LRRC8A: variants seen among roughly 807,000 people sequenced by gnomAD.
LRRC8A encodes leucine rich repeat containing 8 VRAC subunit A.
In LRRC8A, 24 loss-of-function variants were observed where a neutral mutation model predicts 52.5. The observed-to-expected ratio is 0.46, with a 90% CI of 0.33 to 0.64. LRRC8A has a LOEUF of 0.64. Among genes scored for constraint, LRRC8A ranks in the 30% least tolerant of loss-of-function variants. LRRC8A has a pLI of 0.02. For synonymous variants in LRRC8A, 492 were observed against 494.2 expected (o/e 1.00, Z 0.06); for missense variants, 677 against 1,094.7 (o/e 0.62, Z 5.38).
chr9:128,916,208 C>T lies in LRRC8A; in HGVS notation c.2270C>T (p.Thr757Met), dbSNP rs557710052. Residue 757 changes from threonine to methionine, a missense_variant, in exon 4 of 4, where the codon ACG becomes ATG. Thr to Met is a moderately conservative substitution (Grantham distance 81). Coordinates refer to ENST00000372600, the MANE Select transcript of LRRC8A (RefSeq NM_019594.4). The surrounding 1 kb of genome is among the most constrained non-coding windows in gnomAD (Gnocchi z 6.1). ...PSRVGELTNL[T>M]QIELRGNRLE... is the part of the protein sequence containing the mutation. ...AGGGTGGGCGAGCTGACCAACCTGACGCAGATCGAGCTGCGGGGCAACCGG... is the reference window on the plus strand; with the variant it reads ...AGGGTGGGCGAGCTGACCAACCTGATGCAGATCGAGCTGCGGGGCAACCGG... 32 of 1,613,490 alleles carry T rather than the reference C, an allele frequency of 2.0e-5. No individual in the cohort carries two copies. Among genetic ancestry groups the T allele is most frequent in the Middle Eastern group, 1.7e-4 (1 of 6,058 alleles).
intron 2 of LRRC8A, among the ~76,000 whole-genome samples, chr9:128,901,334 C>G (rs1008400315): frequency 6.6e-6 from 1 of 151,960 alleles, no homozygotes; most frequent in African/African-American, 2.4e-5. Context: ...GTGGTGGTGG[C>G]GCGCCTGTAG....
chr9:128,901,029 C>T (rs548480832), intron 2 of LRRC8A, among the ~76,000 whole-genome samples: 11 of 152,038 alleles, frequency 7.2e-5, no homozygotes, highest in Non-Finnish European at 7.4e-5. Context: ...AAAAATTATC[C>T]GGGCATGGTG....
At chr9:128,889,749 C>G (rs1279491733) in intron 2 of LRRC8A, among the ~76,000 whole-genome samples, 1 of 151,948 alleles carries the variant, frequency 6.6e-6, no homozygotes. Context: ...CCACCTTGTT[C>G]TCCAAAGTTC....
intron 1 of LRRC8A, chr9:128,882,631 C>CT (rs1163661368): frequency 2.0e-5 from 8 of 398,796 alleles, no homozygotes; most frequent in Non-Finnish European, 2.7e-5. Context: ...GGGCTCTCTC[C>CT]TTGCCATTTC....
intron 2 of LRRC8A, among the ~76,000 whole-genome samples, chr9:128,903,046 G>T (rs558652670): frequency 5.9e-5 from 9 of 152,336 alleles, no homozygotes; most frequent in Middle Eastern, 3.4e-3. Context: ...CCTGAGCCCG[G>T]TGGTAGAGGG....
At chr9:128,894,318 C>T (rs911654821) in intron 2 of LRRC8A, among the ~76,000 whole-genome samples, 18 of 151,498 alleles carry the variant, frequency 1.2e-4, no homozygotes, top group African/African-American at 4.1e-4. Flanking sequence ...CCCGTCTGTA[C>T]TAAAAATACA....
chr9:128,894,017 T>C (rs1839724980), intron 2 of LRRC8A, among the ~76,000 whole-genome samples: 1 of 152,086 alleles, frequency 6.6e-6, no homozygotes, highest in African/African-American at 2.4e-5. Flanking sequence ...TAGCTGGGAC[T>C]ACAGTTGTGT....
intron 2 of LRRC8A, among the ~76,000 whole-genome samples, chr9:128,887,416 G>A (rs1839438886): frequency 6.6e-6 from 1 of 152,008 alleles, no homozygotes; most frequent in Non-Finnish European, 1.5e-5. Flanking sequence ...CTCCTGCCTT[G>A]GCCTCCTAAA....
chr9:128,883,479 G>A (rs1839224229), intron 1 of LRRC8A, among the ~76,000 whole-genome samples: 2 of 152,228 alleles, frequency 1.3e-5, no homozygotes, highest in Admixed American at 1.3e-4. Flanking sequence ...CAGTCTCACT[G>A]GTGTTGCTTC....
At chr9:128,888,673 G>C (rs750582986) in intron 2 of LRRC8A, among the ~76,000 whole-genome samples, 10 of 152,128 alleles carry the variant, frequency 6.6e-5, no homozygotes, top group Non-Finnish European at 1.5e-4. Context: ...TGGCAGCCTC[G>C]TTTTGCGGGG....
chr9:128,912,112 A>T (rs1840571577), intron 3 of LRRC8A, among the ~76,000 whole-genome samples: 1 of 152,180 alleles, frequency 6.6e-6, no homozygotes, highest in African/African-American at 2.4e-5. Flanking sequence ...TTTGGTAGAG[A>T]CAGGGTCTCA....
intron 2 of LRRC8A, among the ~76,000 whole-genome samples, chr9:128,886,387 G>A (rs1397961273): frequency 6.6e-6 from 1 of 152,166 alleles, no homozygotes; most frequent in Non-Finnish European, 1.5e-5. Flanking sequence ...ATCAGTCTGG[G>A]TCTTGCTAAT....
At chr9:128,904,391 TGCCTGTAATCCA>T (rs201014649) in intron 2 of LRRC8A, among the ~76,000 whole-genome samples, 3,911 of 152,042 alleles carry the variant, frequency 0.026, 98 homozygotes, top group Non-Finnish European at 0.04. Flanking sequence ...TGGTAGCGTG[TGCCTGTAATCCA>T]GCTGCTTGGG....
chr9:128,888,319 C>T (rs74375320), intron 2 of LRRC8A, among the ~76,000 whole-genome samples: 6,088 of 152,108 alleles, frequency 0.04, 138 homozygotes, highest in Middle Eastern at 0.075. Flanking sequence ...TGGAATGAAC[C>T]GCATGGGCCG....
In LRRC8A at chr9:128,908,637, G is replaced by A; in HGVS notation, c.1473G>A (p.Leu491=). 3.7e-6 allele frequency: 6 copies of A among 1,612,726 alleles called. No homozygotes were observed. The highest frequency in any genetic ancestry group is 5.1e-6 in the Non-Finnish European group (6 of 1,179,904). Residue 491 remains leucine (L), a synonymous_variant, in exon 3 of 4, where the codon CTG becomes CTA. Coordinates refer to ENST00000372600, the MANE Select transcript of LRRC8A (RefSeq NM_019594.4). ...TTGAAGCGCCCGCGCTGGCCTTCCT[G>A]CGTGAGAACCTGCGGGCGCTGCACA... The part of the protein sequence containing the change: ...AKIEAPALAF[L]RENLRALHIK...
At chr9:128,882,868 C>T (rs1217384995) in intron 1 of LRRC8A, 8 of 398,264 alleles carry the variant, frequency 2.0e-5, no homozygotes, top group Non-Finnish European at 3.1e-5. Context: ...GGCCCGAGGG[C>T]GAGGCGAGAT....
chr9:128,886,251 G>C (rs1253743405), intron 2 of LRRC8A, 130 bp downstream of exon 2: 1 of 152,308 alleles, frequency 6.6e-6, no homozygotes, highest in Non-Finnish European at 1.5e-5. Flanking sequence ...GTCCAGGGTA[G>C]AGTGGCAGAC....
In LRRC8A at chr9:128,902,155, A is replaced by C. The variant is rs1157680131; in HGVS notation, c.-8-5002A>C. On this transcript the variant is annotated intron_variant, in intron 2 of 3. Transcript: ENST00000372600. The surrounding 1 kb of genome is among the most constrained non-coding windows in gnomAD (Gnocchi z 4.1). ...GGGCCCTCCTCCACTCCCCAGACAC[A>C]CTCAAACTGGAGAGAGGAACCTGAA... 6.6e-6 allele frequency among the ~76,000 whole-genome samples: 1 copy of C among 151,870 alleles called. No homozygotes were observed. Among genetic ancestry groups the C allele is most frequent in the East Asian group, 1.9e-4 (1 of 5,180 alleles).
chr9:128,882,994 C>T, intron 1 of LRRC8A: 1 of 387,068 alleles, frequency 2.6e-6, no homozygotes, highest in East Asian at 3.7e-5. Context: ...CTGCTGCTTT[C>T]GCTGACTGCT....
Sources: gnomAD v4.1 joint callset for allele counts (sites outside exome capture counted in the v4.1 genomes callset) on GRCh38, gnomAD v4.1.1 for gene constraint, Gnocchi (gnomAD v3.1) non-coding constraint, MANE v1.5 for transcripts, NCBI Gene and HGNC (gene_info 2026-07-23, HGNC 2026-07-21) for gene names.